SEC31A: variants seen among roughly 807,000 people sequenced by gnomAD.
SEC31A encodes SEC31 homolog A, COPII component, also known as protein transport protein Sec31A.
A neutral mutation model predicts 151.0 loss-of-function variants in SEC31A; 70 were observed. The ratio of observed to expected loss-of-function variants is 0.46; its 90% confidence interval spans 0.38 to 0.57. The LOEUF (loss-of-function observed/expected upper bound fraction) is 0.57, where lower values mean the gene tolerates loss of function less well. SEC31A is among the 20% of genes least tolerant of loss of function. The probability of loss-of-function intolerance (pLI) is 0.00; values close to 1 mark genes in which losing one functional copy is unlikely to be tolerated. For synonymous variants in SEC31A, 475 were observed against 505.9 expected, an observed-to-expected ratio of 0.94 and a Z score of 0.82; for missense variants, 1,330 against 1,471.2, an observed-to-expected ratio of 0.90 and a Z score of 1.57.
intron 22 of SEC31A, chr4:82,831,039 T>C: frequency 1.7e-6 from 1 of 578,200 alleles, no homozygotes; most frequent in East Asian, 9.7e-5. Flanking sequence ...CTTTACTCAT[T>C]TTATAATTGT....
upstream of SEC31A, among the ~76,000 whole-genome samples, chr4:82,892,852 A>C (rs1004726878): frequency 4.6e-5 from 7 of 152,182 alleles, no homozygotes; most frequent in Non-Finnish European, 1.0e-4. Flanking sequence ...GTTTTATTTA[A>C]CTGTGGTCAC....
chr4:82,847,279 C>G lies in SEC31A; in HGVS notation c.2502+1525G>C, dbSNP rs535479861. 5.3e-5 allele frequency among the ~76,000 whole-genome samples: 8 copies of G among 152,296 alleles called. No homozygotes were observed. The South Asian group carries it at 1.5e-3, about 28-fold the overall frequency. On this transcript the variant is annotated intron_variant, in intron 20 of 26. Coordinates refer to ENST00000395310, the MANE Select transcript of SEC31A (RefSeq NM_001077207.4). ...CCTCCTGATCTGGCCTCTCTCACCC[C>G]CTTGCCTCTGCCTGTTAACACTGCA...
chr4:82,844,264 G>C (rs1729563896), intron 21 of SEC31A, 122 bp downstream of exon 21: 2 of 1,061,290 alleles, frequency 1.9e-6, no homozygotes, highest in African/African-American at 3.2e-5. Flanking sequence ...CAGGGACTCA[G>C]GAATCCTATG....
Position 82,828,710 on chromosome 4 carries a change from G to T in SEC31A, c.3027+290C>A, listed in dbSNP as rs529172821. ...AAAAAAAAAAAAAGAAAGCAACCCT[G>T]AAGCCTGAAATTTCCTACTTTTTGA... On this transcript the variant is annotated intron_variant, in intron 23 of 26. Coordinates refer to ENST00000395310, the MANE Select transcript of SEC31A (RefSeq NM_001077207.4). Among the ~76,000 whole-genome samples the T allele has an allele frequency of 6.8e-5, 8 of 117,772 alleles. No individual in the cohort carries two copies. The East Asian group carries it at 2.4e-3, about 36-fold the overall frequency. The allele number at this position is 117,772 out of a possible 152,430, so 77.3% of individuals were successfully genotyped here.
chr4:82,881,661 A>G (rs867223526), intron 2 of SEC31A, among the ~76,000 whole-genome samples, 197 bp downstream of exon 2: 31 of 152,214 alleles, frequency 2.0e-4, no homozygotes, highest in African/African-American at 7.5e-4. Context: ...GTGAAGGAAA[A>G]TATTTTAGAT....
At chr4:82,836,540 TA>T (rs532851477) in intron 22 of SEC31A, among the ~76,000 whole-genome samples, 1 of 152,028 alleles carries the variant, frequency 6.6e-6, no homozygotes, top group Non-Finnish European at 1.5e-5. Context: ...TACTCAGCCT[TA>T]AAAAAAATTC....
At chr4:82,895,333 G>A (rs941809466), upstream of SEC31A, 4 of 152,188 alleles carry the variant, frequency 2.6e-5, no homozygotes, top group Non-Finnish European at 5.9e-5. Flanking sequence ...AGCTGGGTGT[G>A]GTGGCATGCG....
chr4:82,833,347 T>C (rs747319277), intron 22 of SEC31A, among the ~76,000 whole-genome samples: 21 of 151,954 alleles, frequency 1.4e-4, no homozygotes, highest in Non-Finnish European at 1.9e-4. Context: ...TAAATGGGAA[T>C]TGAAGAATGA....
At chr4:82,884,812 T>C (rs1740291945) in intron 1 of SEC31A, among the ~76,000 whole-genome samples, 1 of 152,162 alleles carries the variant, frequency 6.6e-6, no homozygotes, top group African/African-American at 2.4e-5. Flanking sequence ...TAGAGCTCAA[T>C]ATATATTAAC....
At chr4:82,869,400 G>A (rs1736152504) in intron 8 of SEC31A, among the ~76,000 whole-genome samples, 1 of 151,886 alleles carries the variant, frequency 6.6e-6, no homozygotes, top group South Asian at 2.1e-4. Flanking sequence ...AAAGTGCTGG[G>A]ATTACAGGCC....
chr4:82,853,005 G>T (rs1173109054), intron 18 of SEC31A, among the ~76,000 whole-genome samples: 2 of 152,168 alleles, frequency 1.3e-5, no homozygotes, highest in African/African-American at 4.8e-5. Flanking sequence ...TGCCACCACT[G>T]ATGTGAAAGG....
chr4:82,835,109 A>G (rs1366547819), intron 22 of SEC31A, among the ~76,000 whole-genome samples: 6 of 152,190 alleles, frequency 3.9e-5, no homozygotes, highest in Non-Finnish European at 8.8e-5. Context: ...GACCTCCCAA[A>G]GTGCTGGGAT....
In SEC31A at chr4:82,872,507, C is replaced by T. The variant is rs189169258; in HGVS notation, c.640-421G>A. 9.0e-4 allele frequency among the ~76,000 whole-genome samples: 135 copies of T among 150,820 alleles called. 1 individual carries two copies. Among genetic ancestry groups the T allele is most frequent in the Middle Eastern group, 3.4e-3 (1 of 292 alleles). On this transcript the variant is annotated intron_variant, in intron 6 of 26. Transcript: ENST00000395310. Reference sequence around the variant, plus strand: ...CCTGGCCTTAGTTTATTTTAAACAACAAAACAAAAACAAATGTAAAACTAC... The same window carrying T: ...CCTGGCCTTAGTTTATTTTAAACAATAAAACAAAAACAAATGTAAAACTAC...
At position 82,866,974 on chromosome 4, in the gene SEC31A, T is replaced by C. The variant is rs1027354544; in HGVS notation, c.1045-14A>G. 9 of 1,604,278 alleles carry C rather than the reference T, an allele frequency of 5.6e-6. No individual in the cohort carries two copies. The highest frequency in any genetic ancestry group is 1.7e-4 in the Middle Eastern group (1 of 6,016). On this transcript the variant is annotated splice_polypyrimidine_tract_variant and intron_variant, in intron 9 of 26. Coordinates refer to ENST00000395310, the MANE Select transcript of SEC31A (RefSeq NM_001077207.4). The stretch of plus-strand genomic sequence containing the variant: ...AGATGATGAAAGCTAAAAAAGATAA[T>C]AATAACATAAGCATCCGACCATACA...
At chr4:82,899,273 T>C (rs905931434) in intron 3 of SEC31A, among the ~76,000 whole-genome samples, 2 of 152,324 alleles carry the variant, frequency 1.3e-5, no homozygotes, top group Non-Finnish European at 2.9e-5. Context: ...CTAATATTGA[T>C]TGTGACTGTT....
At chr4:82,835,048 T>C (rs760355919) in intron 22 of SEC31A, among the ~76,000 whole-genome samples, 1 of 152,154 alleles carries the variant, frequency 6.6e-6, no homozygotes, top group Non-Finnish European at 1.5e-5. Flanking sequence ...GGTTTCATCA[T>C]GTTGGCCAGG....
Position 82,863,308 on chromosome 4 carries a change from A to G in SEC31A, c.1509+10T>C. 2.0e-6 allele frequency: 3 copies of G among 1,534,696 alleles called. No homozygotes were observed. Among genetic ancestry groups the G allele is most frequent in the Non-Finnish European group, 2.7e-6 (3 of 1,126,234 alleles). ...AAAGAGCATGCCATCTAACTTTCCC[A>G]AAAGTTTACCTTCTTTCCTAGATCT... is the stretch of plus-strand genomic sequence containing the variant. On this transcript the variant is annotated intron_variant, in intron 12 of 26. Coordinates refer to ENST00000395310, the MANE Select transcript of SEC31A (RefSeq NM_001077207.4).
intron 18 of SEC31A, among the ~76,000 whole-genome samples, chr4:82,852,484 A>G (rs1448082533): frequency 1.3e-5 from 2 of 152,210 alleles, no homozygotes; most frequent in Non-Finnish European, 2.9e-5. Flanking sequence ...AAGCAGAAGG[A>G]TAGCCTACCT....
intron 25 of SEC31A, among the ~76,000 whole-genome samples, chr4:82,824,183 C>T (rs972960013): frequency 6.6e-6 from 1 of 152,098 alleles, no homozygotes; most frequent in Admixed American, 6.6e-5. Context: ...TATAGAAGAA[C>T]TCCATAAAGA....
Sources: allele counts gnomAD v4.1 joint callset (sites outside exome capture counted in the v4.1 genomes callset), GRCh38; gene constraint gnomAD v4.1.1; transcripts MANE v1.5; gene names NCBI Gene and HGNC (gene_info 2026-07-23, HGNC 2026-07-21).